The following C1QTNF3 variants were observed in gnomAD, a reference collection of about 807,000 sequenced individuals.
C1QTNF3 encodes complement C1q tumor necrosis factor-related protein 3.
C1QTNF3 carries 26 observed loss-of-function variants against 32.6 expected under a neutral mutation model. The observed-to-expected ratio is 0.80, with a 90% CI of 0.58 to 1.11. C1QTNF3 has a LOEUF of 1.11. C1QTNF3 is among the 50% of genes least tolerant of loss of function. C1QTNF3 has a pLI of 0.00. For missense variants in C1QTNF3, 362 were observed against 398.2 expected, an observed-to-expected ratio of 0.91 and a Z score of 0.77; for synonymous variants, 155 against 146.0, an observed-to-expected ratio of 1.06 and a Z score of -0.44.
the C1QTNF3 span, among the ~76,000 whole-genome samples, chr5:34,159,725 G>C: frequency 6.6e-6 from 1 of 151,562 alleles, no homozygotes; most frequent in South Asian, 2.1e-4. Context: ...TGATAAGTAA[G>C]AATATTGGAA....
chr5:34,054,212 C>G, the C1QTNF3 span, among the ~76,000 whole-genome samples: 1 of 152,186 alleles, frequency 6.6e-6, no homozygotes, highest in South Asian at 2.1e-4. Flanking sequence ...TTGCTCCTAT[C>G]CTCTGGGAAA....
chr5:34,220,711 T>C, the C1QTNF3 span, among the ~76,000 whole-genome samples: 1 of 152,104 alleles, frequency 6.6e-6, no homozygotes, highest in Non-Finnish European at 1.5e-5. Context: ...AATAAATATA[T>C]ATGATGTTGT....
At chr5:34,207,840 T>G in the C1QTNF3 span, among the ~76,000 whole-genome samples, 1 of 151,608 alleles carries the variant, frequency 6.6e-6, no homozygotes, top group African/African-American at 2.4e-5. Context: ...CAGGCTGGAG[T>G]GCAGTGGCGG....
chr5:34,042,786 G>A, intron 1 of C1QTNF3, 37 bp downstream of exon 1: 2 of 1,569,436 alleles, frequency 1.3e-6, no homozygotes, highest in Non-Finnish European at 1.7e-6. Context: ...CACTCATTAA[G>A]CTTTCACAAA....
At chr5:34,028,652 C>G in intron 4 of C1QTNF3, 102 bp downstream of exon 4, 46 of 940,834 alleles carry the variant, frequency 4.9e-5, no homozygotes, top group Non-Finnish European at 6.3e-5. Flanking sequence ...TTCTTTCTCT[C>G]CCTCCCTTTC....
chr5:34,157,851 G>A, the C1QTNF3 span, among the ~76,000 whole-genome samples: 1 of 152,220 alleles, frequency 6.6e-6, no homozygotes, highest in Non-Finnish European at 1.5e-5. Context: ...TCTGTAAGAC[G>A]ATGAACTTTT....
the C1QTNF3 span, among the ~76,000 whole-genome samples, chr5:34,129,503 G>C: frequency 6.6e-6 from 1 of 152,134 alleles, no homozygotes; most frequent in East Asian, 1.9e-4. Flanking sequence ...GTAATTATTA[G>C]AGGCGATGGG....
At chr5:34,236,898 G>A in the C1QTNF3 span, among the ~76,000 whole-genome samples, 1 of 152,022 alleles carries the variant, frequency 6.6e-6, no homozygotes, top group African/African-American at 2.4e-5. Flanking sequence ...TATTAACTAA[G>A]ACCTAATTAA....
At chr5:34,209,431 A>T in the C1QTNF3 span, among the ~76,000 whole-genome samples, 1 of 151,158 alleles carries the variant, frequency 6.6e-6, no homozygotes, top group Non-Finnish European at 1.5e-5. Flanking sequence ...AAGTTAATAA[A>T]TAAAGTAATT....
At chr5:34,034,743 G>A (rs1209462300) in intron 2 of C1QTNF3, among the ~76,000 whole-genome samples, 2 of 152,148 alleles carry the variant, frequency 1.3e-5, no homozygotes, top group South Asian at 2.1e-4. Flanking sequence ...TACAAGGGTC[G>A]AAGTAGGCCC....
intron 1 of C1QTNF3, among the ~76,000 whole-genome samples, chr5:34,037,626 A>G (rs1461410858): frequency 6.6e-6 from 1 of 152,232 alleles, no homozygotes. Flanking sequence ...GCTATAACTT[A>G]GAGCTAACTC....
chr5:34,137,052 C>T, the C1QTNF3 span, among the ~76,000 whole-genome samples: 6 of 151,090 alleles, frequency 4.0e-5, no homozygotes, highest in Admixed American at 6.6e-5. Context: ...ATGTAAATGA[C>T]GAGTTGATGG....
chr5:34,177,254 A>T, the C1QTNF3 span, among the ~76,000 whole-genome samples: 2 of 152,274 alleles, frequency 1.3e-5, no homozygotes, highest in South Asian at 4.1e-4. Flanking sequence ...AGACCTCAAT[A>T]GCCACATGTA....
chr5:34,091,607 C>T, the C1QTNF3 span, among the ~76,000 whole-genome samples: 6 of 152,240 alleles, frequency 3.9e-5, no homozygotes, highest in Non-Finnish European at 1.5e-5. Flanking sequence ...TCTATCGTTA[C>T]ATGGCAACTT....
the C1QTNF3 span, among the ~76,000 whole-genome samples, chr5:34,051,846 G>A: frequency 1.3e-5 from 2 of 152,234 alleles, no homozygotes; most frequent in Non-Finnish European, 2.9e-5. Context: ...AACATTCAGT[G>A]AGATCATCCT....
At chr5:34,116,103 C>T in the C1QTNF3 span, among the ~76,000 whole-genome samples, 2 of 152,046 alleles carry the variant, frequency 1.3e-5, no homozygotes, top group African/African-American at 4.8e-5. Flanking sequence ...ATTTTCAAAC[C>T]TTTCTTGTAA....
the C1QTNF3 span, among the ~76,000 whole-genome samples, chr5:34,131,002 C>A: frequency 6.6e-6 from 1 of 152,214 alleles, no homozygotes; most frequent in East Asian, 1.9e-4. Context: ...CAAACATACA[C>A]TATATAGGTT....
the C1QTNF3 span, among the ~76,000 whole-genome samples, chr5:34,068,065 A>G: frequency 6.6e-6 from 1 of 152,138 alleles, no homozygotes; most frequent in East Asian, 1.9e-4. Context: ...TCAATAGTAT[A>G]TTAACAAGAC....
the C1QTNF3 span, among the ~76,000 whole-genome samples, chr5:34,088,818 A>C: frequency 3.0e-3 from 459 of 152,204 alleles, 8 homozygotes; most frequent in Middle Eastern, 6.8e-3. Context: ...CTGCCCTATA[A>C]CTGAGTCTTT....
Sources: gnomAD v4.1 joint callset for allele counts (sites outside exome capture counted in the v4.1 genomes callset) on GRCh38, gnomAD v4.1.1 for gene constraint, MANE v1.5 for transcripts, NCBI Gene and HGNC (gene_info 2026-07-23, HGNC 2026-07-21) for gene names.